Variants in CMIP observed in about 807,000 individuals in gnomAD.
CMIP encodes the protein c-Maf inducing protein.
CMIP carries 13 observed loss-of-function variants against 97.3 expected under a neutral mutation model. That is an observed-to-expected ratio of 0.13 (90% CI 0.09 to 0.21). The LOEUF (loss-of-function observed/expected upper bound fraction) is 0.21. Among genes scored for constraint, CMIP ranks in the 10% least tolerant of loss-of-function variants. The pLI, the probability that CMIP is intolerant of heterozygous loss-of-function variation, is 1.00. For missense variants in CMIP, 847 were observed against 1,024.9 expected, an observed-to-expected ratio of 0.83 and a Z score of 2.37; for synonymous variants, 538 against 436.3, an observed-to-expected ratio of 1.23 and a Z score of -2.91.
chr16:81,571,104 A>G (rs182560355), intron 1 of CMIP, among the ~76,000 whole-genome samples: 5 of 152,328 alleles, frequency 3.3e-5, no homozygotes, highest in Admixed American at 2.6e-4. Context: ...GGGTATGCGT[A>G]TGGGAACTCT....
intron 8 of CMIP, 111 bp downstream of exon 8, chr16:81,670,356 C>T: frequency 2.6e-6 from 3 of 1,153,522 alleles, no homozygotes; most frequent in Non-Finnish European, 3.7e-6. Context: ...AAGACTCCCT[C>T]TATGAGGAAG....
chr16:81,582,088 C>G (rs1480823549), intron 1 of CMIP, among the ~76,000 whole-genome samples: 2 of 152,096 alleles, frequency 1.3e-5, no homozygotes, highest in African/African-American at 2.4e-5. Flanking sequence ...TTTAAACCAC[C>G]AGATCTCATG....
Position 81,456,009 on chromosome 16 carries a change from C to T in CMIP, c.300+10468C>T, listed in dbSNP as rs545281049. ...CAGTGGGGTCTCAGCTGGCAGGTTA[C>T]AGGGGCAGGTCTGCCCATTGGAAAG... On this transcript the variant is annotated intron_variant, in intron 1 of 20. Coordinates refer to ENST00000537098, the MANE Select transcript of CMIP (RefSeq NM_198390.3). Among the ~76,000 whole-genome samples the T allele has an allele frequency of 3.9e-5, 6 of 152,336 alleles. No homozygotes were observed. The East Asian group carries it at 9.6e-4, about 24-fold the overall frequency.
intron 19 of CMIP, among the ~76,000 whole-genome samples, chr16:81,706,172 G>A (rs1019851996): frequency 5.3e-5 from 8 of 152,232 alleles, no homozygotes; most frequent in Non-Finnish European, 8.8e-5. Context: ...CAGGGATATT[G>A]AGCCCGGGAT....
In CMIP at chr16:81,444,906, C is replaced by G; in HGVS notation, c.-336C>G. ...CCCGCCCCCACCCCGCCGCCCCCAC[C>G]CCGGCGCCCGCCCTCCGCGCCTGGC... On this transcript the variant is annotated 5_prime_UTR_variant, in exon 1 of 21. Coordinates refer to ENST00000537098, the MANE Select transcript of CMIP (RefSeq NM_198390.3). Among the ~76,000 whole-genome samples, 1 of 137,034 alleles carries G rather than the reference C, an allele frequency of 7.3e-6. No individual in the cohort carries two copies. The highest frequency in any genetic ancestry group is 2.2e-4 in the East Asian group (1 of 4,480). The allele number at this position is 137,034 out of a possible 152,430, so 89.9% of individuals were successfully genotyped here.
intron 1 of CMIP, among the ~76,000 whole-genome samples, chr16:81,539,469 G>GTGAGAGAAGGGCACTCCACATCTC (rs1241660089): frequency 7.9e-5 from 12 of 152,316 alleles, no homozygotes; most frequent in Non-Finnish European, 1.5e-4. Flanking sequence ...TCTGCTGGGA[G>GTGAGAGAAGGGCACTCCACATCTC]TGAGAGAAGG....
intron 6 of CMIP, among the ~76,000 whole-genome samples, chr16:81,661,322 G>A (rs114185495): frequency 3.9e-3 from 600 of 152,334 alleles, no homozygotes; most frequent in African/African-American, 0.013. Context: ...CCCTGAACAC[G>A]GGAGGCAGCA....
At chr16:81,701,263 T>G (rs1907367507) in intron 15 of CMIP, among the ~76,000 whole-genome samples, 1 of 152,162 alleles carries the variant, frequency 6.6e-6, no homozygotes, top group Non-Finnish European at 1.5e-5. Context: ...TCTGAGCCAT[T>G]CCGTGAGTTT....
intron 14 of CMIP, 165 bp downstream of exon 14, chr16:81,696,832 G>A (rs745471680): frequency 2.6e-5 from 17 of 651,028 alleles, no homozygotes; most frequent in East Asian, 5.6e-5. Flanking sequence ...GATGGTGACC[G>A]TGACTGTCAC....
chr16:81,615,434 CA>C (rs1475869574), intron 2 of CMIP, among the ~76,000 whole-genome samples: 3 of 104,882 alleles, frequency 2.9e-5, no homozygotes, highest in African/African-American at 1.2e-4. Flanking sequence ...GGTGTGTGTA[CA>C]TTTGTAACTG....
At chr16:81,536,507 C>T (rs532637388) in intron 1 of CMIP, among the ~76,000 whole-genome samples, 61 of 152,132 alleles carry the variant, frequency 4.0e-4, no homozygotes, top group Non-Finnish European at 7.4e-4. Flanking sequence ...CTGTCCTAAC[C>T]ATTTTTAAGT....
At chr16:81,620,006 G>A (rs2150959893) in intron 2 of CMIP, 1 of 152,348 alleles carries the variant, frequency 6.6e-6, no homozygotes, top group Admixed American at 6.5e-5. Flanking sequence ...AGGACTGGAT[G>A]ATGGCAATGG....
intron 1 of CMIP, among the ~76,000 whole-genome samples, chr16:81,573,410 G>A (rs894320506): frequency 6.6e-6 from 1 of 152,014 alleles, no homozygotes; most frequent in Non-Finnish European, 1.5e-5. Context: ...AAGTGAAGCA[G>A]TAGTGTGGGA....
At chr16:81,486,344 G>T (rs1160957031) in intron 1 of CMIP, among the ~76,000 whole-genome samples, 1 of 152,236 alleles carries the variant, frequency 6.6e-6, no homozygotes. Flanking sequence ...CCTCAGAGCA[G>T]CCCTGGGAGG....
intron 11 of CMIP, 56 bp downstream of exon 11, chr16:81,691,896 T>C: frequency 1.4e-6 from 2 of 1,465,096 alleles, no homozygotes; most frequent in South Asian, 1.1e-5. Context: ...ACCTCAGTTG[T>C]CCACCAAGGC....
intron 1 of CMIP, among the ~76,000 whole-genome samples, chr16:81,574,316 T>TG (rs59164848): frequency 0.54 from 82,136 of 152,042 alleles, 22,633 homozygotes; most frequent in Non-Finnish European, 0.58. Context: ...TCAGCCCTTC[T>TG]GGGGCTGCCT....
At chr16:81,561,523 G>T (rs980975560) in intron 1 of CMIP, among the ~76,000 whole-genome samples, 7 of 152,182 alleles carry the variant, frequency 4.6e-5, no homozygotes, top group Admixed American at 4.6e-4. Context: ...GGAAGCCAGT[G>T]GGGGCTACTA....
intron 1 of CMIP, among the ~76,000 whole-genome samples, chr16:81,446,629 G>A (rs1905862259): frequency 6.6e-6 from 1 of 152,166 alleles, no homozygotes; most frequent in Non-Finnish European, 1.5e-5. Flanking sequence ...AGCGCAGTGG[G>A]AGGGGGCCGA....
Position 81,670,261 on chromosome 16 carries a change from G to T in CMIP, c.929+16G>T, listed in dbSNP as rs551853942. 2 of 1,596,910 alleles carry T rather than the reference G, an allele frequency of 1.3e-6. No individual in the cohort carries two copies. Among genetic ancestry groups the T allele is most frequent in the African/African-American group, 1.3e-5 (1 of 74,704 alleles). On this transcript the variant is annotated intron_variant, in intron 8 of 20. Coordinates refer to ENST00000537098, the MANE Select transcript of CMIP (RefSeq NM_198390.3). ...TCATTCAGAGGTGGGTCTCCGGCGC[G>T]ACGTCCCTCTGTGGCCTAGGAGCCA...
Sources: gnomAD v4.1 joint callset for allele counts (sites outside exome capture counted in the v4.1 genomes callset) on GRCh38, gnomAD v4.1.1 for gene constraint, MANE v1.5 for transcripts, NCBI Gene and HGNC (gene_info 2026-07-23, HGNC 2026-07-21) for gene names.